Variants in RMDN3 observed in about 807,000 individuals in gnomAD.
RMDN3 encodes regulator of microtubule dynamics protein 3.
RMDN3 carries 41 observed loss-of-function variants against 61.8 expected under a neutral mutation model. That is an observed-to-expected ratio of 0.66 (90% CI 0.52 to 0.86). The LOEUF is 0.86. RMDN3 is among the 40% of genes least tolerant of loss of function. The pLI, the probability that RMDN3 is intolerant of heterozygous loss-of-function variation, is 0.00. For missense variants in RMDN3, 557 were observed against 585.3 expected, an observed-to-expected ratio of 0.95 and a Z score of 0.50; for synonymous variants, 247 against 232.0, an observed-to-expected ratio of 1.06 and a Z score of -0.59.
intron 4 of RMDN3, 89 bp downstream of exon 4, chr15:40,751,337 A>G: frequency 6.7e-7 from 1 of 1,503,128 alleles, no homozygotes; most frequent in Admixed American, 1.9e-5. Flanking sequence ...AATCATTTGC[A>G]GCAGCTTGGT....
chr15:40,743,925 G>C (rs1897381644), intron 6 of RMDN3, 122 bp downstream of exon 6: 1 of 730,708 alleles, frequency 1.4e-6, no homozygotes, highest in East Asian at 2.6e-5. Context: ...TTTGTCCCTA[G>C]TGGGTAACTG....
At chr15:40,743,605 C>G (rs1215865625) in intron 6 of RMDN3, among the ~76,000 whole-genome samples, 1 of 152,130 alleles carries the variant, frequency 6.6e-6, no homozygotes, top group Non-Finnish European at 1.5e-5. Context: ...CCCTATCCTC[C>G]AGGGTGGAGC....
rs144065093 is a variant in RMDN3 at position 40,736,556 on chromosome 15, G to A, written c.1398C>T (p.Val466=). The A allele has an allele frequency of 2.5e-6, 4 of 1,613,992 alleles. No homozygotes were observed. In the South Asian group the frequency reaches 4.4e-5, roughly 18 times the overall value. Residue 466 remains valine (V), a synonymous_variant, in exon 13 of 13, where the codon GTC becomes GTT. Coordinates refer to ENST00000338376, the MANE Select transcript of RMDN3 (RefSeq NM_018145.3). ...TGAAACGTGGTTAGTCTCGTAAAAT[G>A]ACTTCCAGTTCTTCCAGGTCCTTCT... ...AIQKDLEELE[V]ILRD is the part of the protein sequence containing the mutation.
At chr15:40,737,043 G>A (rs1355674932) in intron 12 of RMDN3, 81 bp downstream of exon 12, 1 of 1,095,080 alleles carries the variant, frequency 9.1e-7, no homozygotes, top group African/African-American at 1.6e-5. Context: ...AGTAGAGATG[G>A]GGTTTCTCCA....
rs778599692 is a variant in RMDN3, at chr15:40,740,335, AGAAT to A, written c.911-146_911-143del. 722 of 690,092 alleles carry A rather than the reference AGAAT, an allele frequency of 1.0e-3. 2 individuals carry two copies. Among genetic ancestry groups the A allele is most frequent in the Middle Eastern group, 3.1e-3 (13 of 4,222 alleles). The allele number at this position is 690,092 out of a possible 1,614,324, so 42.7% of individuals were successfully genotyped here. On this transcript the variant is annotated intron_variant, in intron 6 of 12. Coordinates refer to ENST00000338376, the MANE Select transcript of RMDN3 (RefSeq NM_018145.3). ...TTTGGAAATAGTTGTGAACTTGAGCAGAATGAAAGGCCGCAAAGAAGCCAGTCAC... is the reference window on the plus strand; with the variant it reads ...TTTGGAAATAGTTGTGAACTTGAGCAGAAAGGCCGCAAAGAAGCCAGTCAC...
chr15:40,755,046 G>C (rs1383445677), intron 1 of RMDN3, 37 bp downstream of exon 1: 2 of 425,766 alleles, frequency 4.7e-6, no homozygotes, highest in Admixed American at 8.2e-5. Flanking sequence ...CCCCGACCCG[G>C]GTCACAGAGT....
Position 40,737,610 on chromosome 15 carries a change from C to T in RMDN3, c.1224+18G>A. The T allele has an allele frequency of 1.2e-6, 2 of 1,602,934 alleles. No homozygotes were observed. Among genetic ancestry groups the T allele is most frequent in the Non-Finnish European group, 1.7e-6 (2 of 1,171,474 alleles). Reference sequence around the variant, plus strand: ...AGGTTACCCTGGTGTTTTTGCCTGCCACCTGCCCCTCTCATACCTTTAGGA... The same window carrying T: ...AGGTTACCCTGGTGTTTTTGCCTGCTACCTGCCCCTCTCATACCTTTAGGA... On this transcript the variant is annotated intron_variant, in intron 10 of 12. Coordinates refer to ENST00000338376, the MANE Select transcript of RMDN3 (RefSeq NM_018145.3).
At position 40,754,685 on chromosome 15, in the gene RMDN3, C is replaced by A. The variant is rs11558807; in HGVS notation, c.99G>T (p.Gln33His). Residue 33 changes from glutamine (Q) to histidine (H), a missense_variant, in exon 2 of 13, where the codon CAG (glutamine) becomes CAT (histidine). Physicochemically the swap from Gln to His is conservative, Grantham distance 24. Transcript: ENST00000338376. ...CATGACGCTGGGTCCGTTTCCATCG[C>A]TGGCTGTAAAGGAGGCACAGGAATC... ...GLGFLCLLYS[Q>H]RWKRTQRHGR... The A allele has an allele frequency of 0.044, 71,217 of 1,614,030 alleles. 1,900 individuals are homozygous for A. Among genetic ancestry groups the A allele is most frequent in the Non-Finnish European group, 0.05 (58,441 of 1,179,962 alleles).
chr15:40,738,658 G>A, intron 7 of RMDN3, 82 bp from the exon 8 acceptor site: 1 of 1,351,466 alleles, frequency 7.4e-7, no homozygotes, highest in Non-Finnish European at 1.1e-6. Context: ...CAGCCTAGTT[G>A]CATTGTCCCC....
rs768546579 is a variant in RMDN3, at chr15:40,754,638, T to G, written c.146A>C (p.Asn49Thr). 6 of 1,613,616 alleles carry G rather than the reference T, an allele frequency of 3.7e-6. No individual in the cohort carries two copies. Among genetic ancestry groups the G allele is most frequent in the Non-Finnish European group, 4.2e-6 (5 of 1,179,928 alleles). ...TGAAGTCTGCGTATAGTCCAGGGAG[T>G]TGGGCAGGCTCTGGCTGCGGCCATG... ...QRHGRSQSLP[N>T]SLDYTQTSDP... Residue 49 changes from asparagine (N) to threonine (T), a missense_variant, in exon 2 of 13, where the codon AAC (asparagine) becomes ACC (threonine). Physicochemically the swap from Asn to Thr is moderately conservative, Grantham distance 65. Transcript: ENST00000338376.
At chr15:40,747,031 C>CAG (rs1897599415) in intron 4 of RMDN3, among the ~76,000 whole-genome samples, 1 of 152,160 alleles carries the variant, frequency 6.6e-6, no homozygotes, top group East Asian at 1.9e-4. Context: ...AAAATCAAAC[C>CAG]AGAGTCTCCT....
chr15:40,752,051 C>T lies in RMDN3; in HGVS notation c.315G>A (p.Arg105=). ...DFVLTSLVAL[R]REVEELRSSL... is the part of the protein sequence containing the mutation. ...TGCTTCTCAGCTCCTCCACCTCCCG[C>T]CGCAGCGCCACAAGGCTGGTCAGCA... is the stretch of plus-strand genomic sequence containing the variant. Residue 105 remains arginine, a synonymous_variant, in exon 3 of 13, where the codon CGG becomes CGA. Coordinates refer to ENST00000338376, the MANE Select transcript of RMDN3 (RefSeq NM_018145.3). The T allele has an allele frequency of 1.2e-6, 2 of 1,614,248 alleles. No homozygotes were observed. Among genetic ancestry groups the T allele is most frequent in the South Asian group, 1.1e-5 (1 of 91,084 alleles).
chr15:40,748,690 C>T (rs1317235595), intron 4 of RMDN3, among the ~76,000 whole-genome samples: 1 of 152,172 alleles, frequency 6.6e-6, no homozygotes, highest in Non-Finnish European at 1.5e-5. Context: ...AACTCCACCC[C>T]CTGGGTTCAA....
intron 3 of RMDN3, 22 bp from the exon 4 acceptor site, chr15:40,751,591 G>T: frequency 6.2e-7 from 1 of 1,614,006 alleles, no homozygotes; most frequent in Non-Finnish European, 8.5e-7. Context: ...GCCCCATCCC[G>T]AAGGGTACCA....
chr15:40,738,120 C>T, intron 8 of RMDN3, 78 bp from the exon 9 acceptor site: 1 of 1,440,534 alleles, frequency 6.9e-7, no homozygotes, highest in Non-Finnish European at 9.8e-7. Flanking sequence ...GATGCAGTGG[C>T]TCATGCCTGT....
At chr15:40,743,989 GCCAGCC>G in intron 6 of RMDN3, 52 bp downstream of exon 6, 1 of 1,472,810 alleles carries the variant, frequency 6.8e-7, no homozygotes, top group African/African-American at 1.4e-5. Context: ...AGGCAGATGG[GCCAGCC>G]CCACCCCTGA....
chr15:40,738,924 G>C (rs372878451), intron 7 of RMDN3: 1 of 252,582 alleles, frequency 4.0e-6, no homozygotes. Context: ...AAAACAATCA[G>C]CATAAAAGTA....
intron 6 of RMDN3, among the ~76,000 whole-genome samples, chr15:40,741,079 A>G (rs1897257530): frequency 7.6e-6 from 1 of 131,416 alleles, no homozygotes; most frequent in Non-Finnish European, 1.6e-5. Flanking sequence ...CTCCACCTCA[A>G]AAAAAACAAC....
rs190589871 is a variant in RMDN3, at chr15:40,755,209, G to A, written c.-134C>T. On this transcript the variant is annotated 5_prime_UTR_variant, in exon 1 of 13. Transcript: ENST00000338376. ...CACTCAGACCCTTACCCGGCCGCCA[G>A]CCACCATGGCAGCAGCCGCCGCGGG... is the stretch of plus-strand genomic sequence containing the variant. 4.5e-3 allele frequency: 702 copies of A among 155,278 alleles called. 21 individuals carry two copies. The highest frequency in any genetic ancestry group is 0.036 in the Admixed American group (547 of 15,354). The allele number at this position is 155,278 out of a possible 1,614,324, so 9.6% of individuals were successfully genotyped here. A position where few individuals can be genotyped will look rare whatever the true frequency, so the allele number is the denominator to read the frequency against.
Sources: allele counts gnomAD v4.1 joint callset (sites outside exome capture counted in the v4.1 genomes callset), GRCh38; gene constraint gnomAD v4.1.1; transcripts MANE v1.5; gene names NCBI Gene and HGNC (gene_info 2026-07-23, HGNC 2026-07-21).